The following TGFBRAP1 variants were observed in gnomAD, a reference collection of about 807,000 sequenced individuals.
The protein encoded by TGFBRAP1 is transforming growth factor beta receptor associated protein 1.
In TGFBRAP1, 20 loss-of-function variants were observed where a neutral mutation model predicts 83.2. The ratio of observed to expected loss-of-function variants is 0.24; its 90% CI spans 0.17 to 0.35. The LOEUF is 0.35. TGFBRAP1 is among the 10% of genes least tolerant of loss of function. The pLI, the probability that TGFBRAP1 is intolerant of heterozygous loss-of-function variation, is 1.00. For missense variants in TGFBRAP1, 950 were observed against 1,099.4 expected, an observed-to-expected ratio of 0.86 and a Z score of 1.92; for synonymous variants, 415 against 459.8, an observed-to-expected ratio of 0.90 and a Z score of 1.25.
intron 8 of TGFBRAP1, among the ~76,000 whole-genome samples, chr2:105,274,937 AGTCACCTGTG>A (rs1318948851): frequency 1.3e-5 from 2 of 152,232 alleles, no homozygotes. Flanking sequence ...TCTTCTTCCC[AGTCACCTGTG>A]GTCACCTGTG....
chr2:105,283,378 G>A (rs924780690), intron 5 of TGFBRAP1, among the ~76,000 whole-genome samples: 6 of 152,198 alleles, frequency 3.9e-5, no homozygotes, highest in Non-Finnish European at 7.3e-5. Flanking sequence ...ATGTAAGGAC[G>A]TGGCTGGTCA....
At chr2:105,283,925 T>G (rs1238638976) in intron 5 of TGFBRAP1, among the ~76,000 whole-genome samples, 1 of 152,174 alleles carries the variant, frequency 6.6e-6, no homozygotes, top group Non-Finnish European at 1.5e-5. Context: ...TTTTCCCCCC[T>G]GCACTAAGCT....
intron 2 of TGFBRAP1, among the ~76,000 whole-genome samples, chr2:105,299,186 T>G (rs1678196265): frequency 6.6e-6 from 1 of 151,818 alleles, no homozygotes; most frequent in Non-Finnish European, 1.5e-5. Flanking sequence ...GAGGCTAAGG[T>G]GGAAAGATCA....
In TGFBRAP1 at chr2:105,280,376, A is replaced by T; in HGVS notation, c.1463+6T>A. 1 of 1,611,358 alleles carries T rather than the reference A, an allele frequency of 6.2e-7. No homozygotes were observed. Among genetic ancestry groups the T allele is most frequent in the East Asian group, 2.2e-5 (1 of 44,824 alleles). On this transcript the variant is annotated splice_donor_region_variant and intron_variant, in intron 6 of 11. Transcript: ENST00000393359. ...GCCCTGATCATATCAGGAAGGGAAC[A>T]CTCACTTTTTGTGCTTCTCTAGCCA...
At chr2:105,270,005 C>T (rs1573155816) in intron 10 of TGFBRAP1, among the ~76,000 whole-genome samples, 1 of 152,234 alleles carries the variant, frequency 6.6e-6, no homozygotes, top group East Asian at 1.9e-4. Flanking sequence ...ACAGAAAGGC[C>T]CAGTGGCTCA....
At chr2:105,316,980 C>T (rs1678905917) in intron 1 of TGFBRAP1, among the ~76,000 whole-genome samples, 1 of 151,846 alleles carries the variant, frequency 6.6e-6, no homozygotes, top group African/African-American at 2.4e-5. Flanking sequence ...AACTGGGTGC[C>T]CAGAAACAGG....
rs141001436 is a variant in TGFBRAP1, at chr2:105,267,533, T to C, written c.2433A>G (p.Gln811=). ...DKMKLKGSSI[Q]LSDKKLCQIC... is the part of the protein sequence containing the mutation. ...TCTGACAAAGCTTTTTGTCTGAGAGTTGGATTGAGCTTCCTTTCAACTTCA... is the reference window on the plus strand; with the variant it reads ...TCTGACAAAGCTTTTTGTCTGAGAGCTGGATTGAGCTTCCTTTCAACTTCA... The change falls in exon 12 of 12, where the codon CAA becomes CAG. Residue 811 remains glutamine, a synonymous_variant. Transcript: ENST00000393359. 49 of 1,614,088 alleles carry C rather than the reference T, an allele frequency of 3.0e-5. No homozygotes were observed. In the African/African-American group the frequency reaches 5.7e-4, roughly 19 times the overall value.
chr2:105,278,913 T>C (rs1573169130), intron 6 of TGFBRAP1, among the ~76,000 whole-genome samples: 1 of 151,994 alleles, frequency 6.6e-6, no homozygotes, highest in East Asian at 1.9e-4. Flanking sequence ...CATATCCGAG[T>C]GGCTGATGGA....
intron 1 of TGFBRAP1, among the ~76,000 whole-genome samples, chr2:105,316,546 C>T (rs1304713809): frequency 6.6e-6 from 1 of 150,512 alleles, no homozygotes; most frequent in African/African-American, 2.4e-5. Context: ...GTGGCTCATG[C>T]CTGTAATCCT....
Position 105,307,598 on chromosome 2 carries a change from A to G in TGFBRAP1, c.688+16T>C, listed in dbSNP as rs1372614943. 1.3e-6 allele frequency: 2 copies of G among 1,589,914 alleles called. No homozygotes were observed. The highest frequency in any genetic ancestry group is 1.7e-6 in the Non-Finnish European group (2 of 1,170,202). ...GCCACCCAAAAAGATCAGGCGCACAAATGCATCCTCCTCACCCAGCCCTCC... is the reference window on the plus strand; with the variant it reads ...GCCACCCAAAAAGATCAGGCGCACAGATGCATCCTCCTCACCCAGCCCTCC... On this transcript the variant is annotated intron_variant, in intron 2 of 11. Coordinates refer to ENST00000393359, the MANE Select transcript of TGFBRAP1 (RefSeq NM_004257.6).
downstream of TGFBRAP1, among the ~76,000 whole-genome samples, chr2:105,262,868 T>C (rs1478153688): frequency 6.6e-6 from 1 of 152,242 alleles, no homozygotes; most frequent in African/African-American, 2.4e-5. Context: ...CTGCTAAGCC[T>C]TGGACGGTGC....
intron 1 of TGFBRAP1, among the ~76,000 whole-genome samples, chr2:105,317,897 A>G (rs1678933776): frequency 6.6e-6 from 1 of 152,166 alleles, no homozygotes; most frequent in East Asian, 1.9e-4. Context: ...CCTGATTAGC[A>G]CCTGGAATTT....
the TGFBRAP1 span, among the ~76,000 whole-genome samples, chr2:105,250,008 C>A: frequency 2.6e-5 from 4 of 152,180 alleles, no homozygotes; most frequent in African/African-American, 9.7e-5. Flanking sequence ...TCCAAGGTTA[C>A]TTTAGCAGAG....
chr2:105,296,206 A>C, intron 4 of TGFBRAP1, 150 bp downstream of exon 4: 1 of 980,092 alleles, frequency 1.0e-6, no homozygotes, highest in Non-Finnish European at 1.5e-6. Flanking sequence ...TTATCTACAC[A>C]ATATGTATTT....
chr2:105,299,946 A>C (rs1678227493), intron 2 of TGFBRAP1, among the ~76,000 whole-genome samples: 1 of 152,212 alleles, frequency 6.6e-6, no homozygotes, highest in Non-Finnish European at 1.5e-5. Flanking sequence ...AATAGGTGAT[A>C]AAGTCTATTG....
intron 9 of TGFBRAP1, 128 bp downstream of exon 9, chr2:105,273,416 G>C (rs1226191602): frequency 3.0e-6 from 4 of 1,316,448 alleles, no homozygotes; most frequent in Non-Finnish European, 4.1e-6. Flanking sequence ...GCCGCCATCA[G>C]ACCATCAACA....
chr2:105,284,508 T>A, intron 4 of TGFBRAP1, 110 bp from the exon 5 acceptor site: 1 of 981,534 alleles, frequency 1.0e-6, no homozygotes, highest in Non-Finnish European at 1.6e-6. Context: ...AATGTAAAAT[T>A]ACAAGCTGAG....
intron 1 of TGFBRAP1, 37 bp downstream of exon 1, chr2:105,329,588 G>T (rs1558661014): frequency 6.9e-6 from 1 of 145,924 alleles, no homozygotes; most frequent in South Asian, 1.9e-4. Context: ...CGCGCCCTGA[G>T]CCCCGCACCC....
chr2:105,277,576 C>T (rs1267689710), intron 7 of TGFBRAP1, 38 bp downstream of exon 7: 18 of 1,606,784 alleles, frequency 1.1e-5, no homozygotes, highest in East Asian at 6.7e-5. Flanking sequence ...TTACATGGTG[C>T]TGATTTTTAA....
Sources: gnomAD v4.1 joint callset for allele counts (sites outside exome capture counted in the v4.1 genomes callset) on GRCh38, gnomAD v4.1.1 for gene constraint, MANE v1.5 for transcripts, NCBI Gene and HGNC (gene_info 2026-07-23, HGNC 2026-07-21) for gene names.